Variants in DOCK1 observed in about 807,000 individuals in gnomAD.
DOCK1 encodes the protein dedicator of cytokinesis 1, also known as dedicator of cytokinesis protein 1.
A neutral mutation model predicts 262.7 loss-of-function variants in DOCK1; 138 were observed. The ratio of observed to expected loss-of-function variants is 0.53; its 90% CI spans 0.46 to 0.61. The LOEUF (loss-of-function observed/expected upper bound fraction) is 0.61. Ranked by LOEUF, DOCK1 falls within the 20% of genes least tolerant of loss-of-function variation. The probability of loss-of-function intolerance (pLI) is 0.00; values close to 1 mark genes in which losing one functional copy is unlikely to be tolerated. For synonymous variants in DOCK1, 866 were observed against 867.4 expected (o/e 1.00, Z 0.03); for missense variants, 1,908 against 2,370.7 (o/e 0.80, Z 4.05).
Position 127,298,587 on chromosome 10 carries a change from G to T in DOCK1, c.3045-40419G>T, listed in dbSNP as rs566982980. ...CTCTTTCCCAGCTGGGCCATAAATT[G>T]TCTCGTGACTGAGGTTGCTGTCTGC... On this transcript the variant is annotated intron_variant, in intron 29 of 51. Transcript: ENST00000623213. 3.3e-5 allele frequency among the ~76,000 whole-genome samples: 5 copies of T among 152,256 alleles called. No homozygotes were observed. The East Asian group carries it at 5.8e-4, about 18-fold the overall frequency.
intron 35 of DOCK1, among the ~76,000 whole-genome samples, chr10:127,376,099 ACT>A (rs1210820186): frequency 6.6e-6 from 1 of 152,106 alleles, no homozygotes; most frequent in Non-Finnish European, 1.5e-5. Flanking sequence ...TTAGAACCAG[ACT>A]CTGATACGGC....
chr10:127,026,597 CAGG>C, intron 16 of DOCK1, 173 bp downstream of exon 16: 1 of 657,756 alleles, frequency 1.5e-6, no homozygotes, highest in Non-Finnish European at 2.6e-6. Context: ...GAGCAGATCT[CAGG>C]AGGAGATCTT....
chr10:127,340,673 A>AT (rs1311313898), intron 30 of DOCK1, among the ~76,000 whole-genome samples: 2 of 152,206 alleles, frequency 1.3e-5, no homozygotes, highest in African/African-American at 4.8e-5. Context: ...TCCTAACATG[A>AT]TTTTAGCAAT....
rs184881961 is a variant in DOCK1, at chr10:127,344,311, A to G, written c.3224+565A>G. The G allele has an allele frequency of 3.2e-3, 493 of 152,552 alleles. 2 individuals carry two copies. The highest frequency in any genetic ancestry group is 5.6e-3 in the Non-Finnish European group (382 of 68,266). 9.4% of individuals were successfully genotyped at this position (152,552 alleles called of 1,614,324 possible). ...CTCCAGCTCTGTAACCCCAGTTTGC[A>G]TCATGCACCGCTCATGACTCAGTAT... is the stretch of plus-strand genomic sequence containing the variant. On this transcript the variant is annotated intron_variant, in intron 31 of 51. Transcript: ENST00000623213.
At chr10:127,085,654 C>T (rs1022204649) in intron 23 of DOCK1, among the ~76,000 whole-genome samples, 3 of 151,826 alleles carry the variant, frequency 2.0e-5, no homozygotes, top group East Asian at 3.9e-4. Context: ...GCTACTGGGG[C>T]GGCTGAGGCA....
intron 50 of DOCK1, among the ~76,000 whole-genome samples, chr10:127,444,812 G>T (rs930312617): frequency 2.0e-5 from 3 of 152,050 alleles, no homozygotes; most frequent in African/African-American, 7.2e-5. Flanking sequence ...TAGCAAGTTG[G>T]TTCCCTCTGG....
At chr10:127,049,641 T>G (rs1011083834) in intron 21 of DOCK1, among the ~76,000 whole-genome samples, 19 of 152,150 alleles carry the variant, frequency 1.2e-4, no homozygotes, top group African/African-American at 4.6e-4. Flanking sequence ...GTTCATGTAT[T>G]GAAAAATAAA....
At chr10:127,398,927 G>C (rs1301006855) in intron 38 of DOCK1, among the ~76,000 whole-genome samples, 1 of 152,192 alleles carries the variant, frequency 6.6e-6, no homozygotes. Context: ...GTTCTCTACA[G>C]CTGCTTCTGT....
At chr10:127,134,829 C>T (rs1213773580) in intron 27 of DOCK1, among the ~76,000 whole-genome samples, 1 of 152,132 alleles carries the variant, frequency 6.6e-6, no homozygotes, top group Non-Finnish European at 1.5e-5. Context: ...GTTGCAGATA[C>T]TGGGAAAAAG....
At chr10:127,027,570 A>T (rs112395951) in intron 16 of DOCK1, among the ~76,000 whole-genome samples, 1 of 151,498 alleles carries the variant, frequency 6.6e-6, no homozygotes, top group African/African-American at 2.4e-5. Context: ...TGGGGAACAG[A>T]GTGAGACCCT....
chr10:127,095,968 T>G (rs889105936), intron 23 of DOCK1, among the ~76,000 whole-genome samples: 40 of 152,106 alleles, frequency 2.6e-4, no homozygotes, highest in Admixed American at 1.9e-3. Flanking sequence ...CATTTGGGAT[T>G]GAGTGAACCG....
chr10:126,933,285 T>C (rs1007521528), intron 1 of DOCK1, among the ~76,000 whole-genome samples: 1 of 152,208 alleles, frequency 6.6e-6, no homozygotes, highest in African/African-American at 2.4e-5. Flanking sequence ...AGCGGCAGCC[T>C]CTCCCAGTGG....
At chr10:127,321,212 T>G (rs1412678627) in intron 29 of DOCK1, among the ~76,000 whole-genome samples, 1 of 134,490 alleles carries the variant, frequency 7.4e-6, no homozygotes, top group Non-Finnish European at 1.6e-5. Flanking sequence ...TCTCTCTCCC[T>G]CTCCTCTCCT....
In DOCK1 at chr10:127,068,511, C is replaced by T. The variant is rs546528170; in HGVS notation, c.2445+6735C>T. On this transcript the variant is annotated intron_variant, in intron 23 of 51. Transcript: ENST00000623213. ...CCAGATTTTCATAAAGGTATCAAGT[C>T]CTGGTTTGCATTAAACAAAGCAGCC... is the stretch of plus-strand genomic sequence containing the variant. Among the ~76,000 whole-genome samples the T allele has an allele frequency of 2.2e-4, 5 of 22,576 alleles. No homozygotes were observed. The East Asian group carries it at 6.6e-3, about 30-fold the overall frequency. The allele number at this position is 22,576 out of a possible 152,430, so 14.8% of individuals were successfully genotyped here. A position where few individuals can be genotyped will look rare whatever the true frequency, so the allele number is the denominator to read the frequency against.
At chr10:127,359,066 C>A (rs1298493484) in intron 32 of DOCK1, among the ~76,000 whole-genome samples, 1 of 152,062 alleles carries the variant, frequency 6.6e-6, no homozygotes, top group Non-Finnish European at 1.5e-5. Flanking sequence ...TCACCTTGGT[C>A]CTCATTGGTT....
Position 126,950,404 on chromosome 10 carries a change from G to C in DOCK1, c.47-20298G>C, listed in dbSNP as rs1160353148. Among the ~76,000 whole-genome samples, 4 of 152,012 alleles carry C rather than the reference G, an allele frequency of 2.6e-5. No individual in the cohort carries two copies. The East Asian group carries it at 7.7e-4, about 29-fold the overall frequency. ...TGCAGGGTCAGCTTAGCCTAGCTGTGACATGTAAAGGCTCTCTCTCCTTTA... is the reference window on the plus strand; with the variant it reads ...TGCAGGGTCAGCTTAGCCTAGCTGTCACATGTAAAGGCTCTCTCTCCTTTA... On this transcript the variant is annotated intron_variant, in intron 1 of 51. Coordinates refer to ENST00000623213, the MANE Select transcript of DOCK1 (RefSeq NM_001290223.2).
At chr10:126,978,771 T>G (rs994171377) in intron 3 of DOCK1, among the ~76,000 whole-genome samples, 1 of 152,234 alleles carries the variant, frequency 6.6e-6, no homozygotes, top group Non-Finnish European at 1.5e-5. Context: ...GTCCTAAATT[T>G]ACCTCTCATT....
intron 27 of DOCK1, among the ~76,000 whole-genome samples, chr10:127,147,901 C>T (rs1290723498): frequency 4.0e-5 from 6 of 151,586 alleles, no homozygotes; most frequent in Admixed American, 2.0e-4. Context: ...ATTGGCGGTG[C>T]GCGCACGTAG....
Position 127,384,837 on chromosome 10 carries a change from C to G in DOCK1, c.3855C>G (p.Tyr1285Ter). 3.1e-6 allele frequency: 5 copies of G among 1,609,606 alleles called. No homozygotes were observed. The highest frequency in any genetic ancestry group is 4.2e-6 in the Non-Finnish European group (5 of 1,178,688). Residue 1285 changes from tyrosine (Y) to a stop codon, truncating the protein, a stop_gained, in exon 38 of 52, where the codon TAC (tyrosine) becomes TAG (stop). Transcript: ENST00000623213. LOFTEE classifies it high-confidence loss of function. The stretch of plus-strand genomic sequence containing the variant: ...CCCACCTCACCCAGCGGGACGGGTA[C>G]CAGGCCACCACGCAGGGACAGCTGA... ...CVAHLTQRDG[Y>*]QATTQGQLKE...
Sources: gnomAD v4.1 joint callset for allele counts (sites outside exome capture counted in the v4.1 genomes callset) on GRCh38, gnomAD v4.1.1 for gene constraint, MANE v1.5 for transcripts, NCBI Gene and HGNC (gene_info 2026-07-23, HGNC 2026-07-21) for gene names.